Variants in SLC24A3 observed in about 807,000 individuals in gnomAD.
SLC24A3 encodes the protein sodium/potassium/calcium exchanger 3.
In SLC24A3, 28 loss-of-function variants were observed where a neutral mutation model predicts 75.8. The ratio of observed to expected loss-of-function variants is 0.37; its 90% CI spans 0.27 to 0.51. The LOEUF is 0.51. Among genes scored for constraint, SLC24A3 ranks in the 20% least tolerant of loss-of-function variants. The probability of loss-of-function intolerance (pLI) is 0.94; values close to 1 mark genes in which losing one functional copy is unlikely to be tolerated. For synonymous variants in SLC24A3, 372 were observed against 334.1 expected (o/e 1.11, Z -1.24); for missense variants, 663 against 847.8 (o/e 0.78, Z 2.71).
chr20:19,711,024 ATG>A lies in SLC24A3; in HGVS notation c.1720-6503_1720-6502del, dbSNP rs2032981668. ...CTATGCAGTCTCACTGCCTCCCAGT[ATG>A]CACATGCAGTCTCACTGCCTCCCAG... On this transcript the variant is annotated intron_variant, in intron 15 of 16. Coordinates refer to ENST00000328041, the MANE Select transcript of SLC24A3 (RefSeq NM_020689.4). Among the ~76,000 whole-genome samples, 6 of 15,144 alleles carry A rather than the reference ATG, an allele frequency of 4.0e-4. No homozygotes were observed. In the Admixed American group the frequency reaches 4.3e-3, roughly 11 times the overall value. 9.9% of individuals were successfully genotyped at this position (15,144 alleles called of 152,430 possible).
chr20:19,721,506 C>G lies in SLC24A3; in HGVS notation c.*366C>G, dbSNP rs187222851. The G allele has an allele frequency of 9.3e-4, 183 of 195,988 alleles. No individual in the cohort carries two copies. The highest frequency in any genetic ancestry group is 1.4e-3 in the Non-Finnish European group (137 of 96,782). The allele number at this position is 195,988 out of a possible 1,614,324, so 12.1% of individuals were successfully genotyped here. ...CTTTTTTAAGTTATTTGATGGAAGA[C>G]TCACCTAATTTGTGACCTGAGACTG... On this transcript the variant is annotated 3_prime_UTR_variant, in exon 17 of 17. Transcript: ENST00000328041.
intron 3 of SLC24A3, among the ~76,000 whole-genome samples, chr20:19,547,578 C>A (rs1349535587): frequency 5.9e-5 from 9 of 152,202 alleles, no homozygotes; most frequent in Non-Finnish European, 1.5e-5. Flanking sequence ...TGAAATGAAG[C>A]CGGATCTCAC....
At chr20:19,616,138 CAA>C (rs2031732513) in intron 6 of SLC24A3, among the ~76,000 whole-genome samples, 1 of 152,204 alleles carries the variant, frequency 6.6e-6, no homozygotes, top group African/African-American at 2.4e-5. Context: ...GCCAAGCTGA[CAA>C]AGAGTTCTGG....
intron 2 of SLC24A3, among the ~76,000 whole-genome samples, chr20:19,408,630 T>A (rs1986693648): frequency 6.6e-6 from 1 of 152,144 alleles, no homozygotes; most frequent in Non-Finnish European, 1.5e-5. Context: ...CCTAAAGTGA[T>A]CCACCCACCT....
intron 6 of SLC24A3, among the ~76,000 whole-genome samples, chr20:19,585,809 G>A (rs1232600946): frequency 6.6e-6 from 1 of 152,182 alleles, no homozygotes; most frequent in Non-Finnish European, 1.5e-5. Flanking sequence ...AAAGATGTGG[G>A]TTACAATCTG....
At chr20:19,702,622 CAA>C (rs11470232) in intron 15 of SLC24A3, among the ~76,000 whole-genome samples, 97,819 of 148,984 alleles carry the variant, frequency 0.66, 32,123 homozygotes, top group East Asian at 0.9. Flanking sequence ...GTAATAAGTG[CAA>C]AAAAAAAAAA....
At position 19,281,928 on chromosome 20, in the gene SLC24A3, A is replaced by G. The variant is rs1248397423; in HGVS notation, c.271+841A>G. On this transcript the variant is annotated intron_variant, in intron 2 of 16. Transcript: ENST00000328041. Reference sequence around the variant, plus strand: ...GGTGGGATGGAGTAGGTCTGTAGCCATATTTTGCTGCTTTGACTTGGACCT... The same window carrying G: ...GGTGGGATGGAGTAGGTCTGTAGCCGTATTTTGCTGCTTTGACTTGGACCT... Among the ~76,000 whole-genome samples, 6 of 152,332 alleles carry G rather than the reference A, an allele frequency of 3.9e-5. No individual in the cohort carries two copies. In the East Asian group the frequency reaches 7.7e-4, roughly 20 times the overall value.
intron 2 of SLC24A3, among the ~76,000 whole-genome samples, chr20:19,433,329 AATCCAG>A (rs1432415619): frequency 6.6e-6 from 1 of 152,218 alleles, no homozygotes; most frequent in Non-Finnish European, 1.5e-5. Context: ...GAGCTTACAA[AATCCAG>A]ATCCTCAGAA....
chr20:19,688,819 G>T (rs540797117), intron 12 of SLC24A3, among the ~76,000 whole-genome samples: 3 of 152,138 alleles, frequency 2.0e-5, no homozygotes, highest in African/African-American at 7.2e-5. Flanking sequence ...GTACATATAT[G>T]TACAGTGTGC....
At chr20:19,359,698 A>G (rs1248759427) in intron 2 of SLC24A3, among the ~76,000 whole-genome samples, 2 of 152,138 alleles carry the variant, frequency 1.3e-5, no homozygotes, top group East Asian at 1.9e-4. Context: ...AGAGAAAAAT[A>G]TGTCTCTTTT....
At chr20:19,453,725 C>T (rs1370917498) in intron 2 of SLC24A3, among the ~76,000 whole-genome samples, 4 of 152,172 alleles carry the variant, frequency 2.6e-5, no homozygotes, top group Non-Finnish European at 5.9e-5. Context: ...GTGCGCCCAC[C>T]CCACCTTTCC....
intron 2 of SLC24A3, among the ~76,000 whole-genome samples, chr20:19,363,327 A>G (rs1985826656): frequency 6.6e-6 from 1 of 152,262 alleles, no homozygotes; most frequent in Non-Finnish European, 1.5e-5. Context: ...ATTACTTGCC[A>G]GACCATTCTC....
Position 19,708,644 on chromosome 20 carries a change from C to T in SLC24A3, c.1720-8884C>T, listed in dbSNP as rs138010023. Among the ~76,000 whole-genome samples the T allele has an allele frequency of 3.5e-3, 529 of 152,356 alleles. 3 individuals carry two copies. The highest frequency in any genetic ancestry group is 0.014 in the Middle Eastern group (4 of 294). On this transcript the variant is annotated intron_variant, in intron 15 of 16. Transcript: ENST00000328041. ...AGCCATGATGGCAGTATTTACACCA[C>T]GGAAACAGGACCGTGTCAGAAGACC...
chr20:19,328,716 C>T (rs1183659834), intron 2 of SLC24A3, among the ~76,000 whole-genome samples: 1 of 152,018 alleles, frequency 6.6e-6, no homozygotes, highest in South Asian at 2.1e-4. Context: ...CCTGGGTGTC[C>T]CAGTTGAGAT....
chr20:19,656,976 C>G (rs11696123), intron 7 of SLC24A3, among the ~76,000 whole-genome samples: 1 of 152,076 alleles, frequency 6.6e-6, no homozygotes, highest in Non-Finnish European at 1.5e-5. Context: ...CTCCCTCACC[C>G]GAGCCTGGTC....
intron 2 of SLC24A3, among the ~76,000 whole-genome samples, chr20:19,464,586 AT>A (rs1386365257): frequency 1.3e-5 from 2 of 151,934 alleles, no homozygotes; most frequent in Admixed American, 1.3e-4. Flanking sequence ...GCTGTCAGTG[AT>A]TTTTTTTCTT....
chr20:19,386,776 T>C (rs1032795546), intron 2 of SLC24A3, among the ~76,000 whole-genome samples: 1 of 152,206 alleles, frequency 6.6e-6, no homozygotes, highest in African/African-American at 2.4e-5. Flanking sequence ...CTTGGTCATA[T>C]TACATAATCT....
intron 2 of SLC24A3, among the ~76,000 whole-genome samples, chr20:19,334,504 A>C: frequency 6.6e-6 from 1 of 152,306 alleles, no homozygotes; most frequent in Admixed American, 6.5e-5. Flanking sequence ...TGATTCCATA[A>C]GTGATCATCT....
chr20:19,275,669 A>C (rs1056731451), intron 1 of SLC24A3, among the ~76,000 whole-genome samples: 1 of 152,078 alleles, frequency 6.6e-6, no homozygotes, highest in Non-Finnish European at 1.5e-5. Flanking sequence ...AGGAGGGAGG[A>C]GAGCACAAAA....
Sources: allele counts gnomAD v4.1 joint callset (sites outside exome capture counted in the v4.1 genomes callset), GRCh38; gene constraint gnomAD v4.1.1; transcripts MANE v1.5; gene names NCBI Gene and HGNC (gene_info 2026-07-23, HGNC 2026-07-21).